GLOD4: variants seen among roughly 807,000 people sequenced by gnomAD.
GLOD4 encodes the protein glyoxalase domain containing 4.
A neutral mutation model predicts 39.1 loss-of-function variants in GLOD4; 44 were observed. The ratio of observed to expected loss-of-function variants is 1.13; its 90% CI spans 0.88 to 1.45. The LOEUF is 1.45. Ranked by LOEUF, GLOD4 falls within the 40% of genes most tolerant of loss-of-function variation. GLOD4 has a pLI of 0.00. For synonymous variants in GLOD4, 145 were observed against 135.0 expected, an observed-to-expected ratio of 1.07 and a Z score of -0.52; for missense variants, 405 against 366.4, an observed-to-expected ratio of 1.11 and a Z score of -0.86.
At position 779,466 on chromosome 17, in the gene GLOD4, C is replaced by CT. The variant is rs1597588957; in HGVS notation, c.91-723dup. ...CCAACACAGTGAAACCCCATCTCTACTAAAAATATAAAAAATACAAAATTA... is the reference window on the plus strand; with the variant it reads ...CCAACACAGTGAAACCCCATCTCTACTTAAAAATATAAAAAATACAAAATTA... On this transcript the variant is annotated intron_variant, in intron 1 of 8. Transcript: ENST00000301329. Among the ~76,000 whole-genome samples the CT allele has an allele frequency of 2.0e-5, 3 of 150,514 alleles. No homozygotes were observed. In the East Asian group the frequency reaches 5.9e-4, roughly 30 times the overall value.
chr17:767,958 C>G (rs1906991385), intron 8 of GLOD4, among the ~76,000 whole-genome samples: 1 of 141,408 alleles, frequency 7.1e-6, no homozygotes, highest in African/African-American at 2.7e-5. Context: ...AGAGAAACAG[C>G]GCGCACTCAG....
chr17:771,247 A>C (rs769498082), intron 5 of GLOD4, 78 bp downstream of exon 5: 132 of 813,660 alleles, frequency 1.6e-4, no homozygotes, highest in Middle Eastern at 1.2e-3. Context: ...TTCATTTATA[A>C]AGGTTATAAG....
At position 759,869 on chromosome 17, in the gene GLOD4, T is replaced by G; in HGVS notation, c.*304A>C. ...CTATCCGCAATCCCAACCAAAGTCA[T>G]GTTCATGCCGCTGTCCTAGTCTGGA... On this transcript the variant is annotated 3_prime_UTR_variant, in exon 9 of 9. Transcript: ENST00000301329. The G allele has an allele frequency of 3.1e-6, 1 of 322,448 alleles. No homozygotes were observed. The highest frequency in any genetic ancestry group is 6.2e-5 in the South Asian group (1 of 16,022). 20.0% of individuals were successfully genotyped at this position (322,448 alleles called of 1,614,324 possible).
intron 4 of GLOD4, among the ~76,000 whole-genome samples, chr17:773,753 C>T (rs921359311): frequency 8.5e-5 from 13 of 152,232 alleles, no homozygotes; most frequent in African/African-American, 2.7e-4. Context: ...GACGCTGTTT[C>T]TCACAAGTGC....
In GLOD4 at chr17:760,135, CA is replaced by C; in HGVS notation, c.*37del. The C allele has an allele frequency of 1.6e-6, 2 of 1,234,034 alleles. No homozygotes were observed. Among genetic ancestry groups the C allele is most frequent in the Non-Finnish European group, 2.4e-6 (2 of 833,456 alleles). 76.4% of individuals were successfully genotyped at this position (1,234,034 alleles called of 1,614,324 possible). On this transcript the variant is annotated 3_prime_UTR_variant, in exon 9 of 9. Coordinates refer to ENST00000301329, the MANE Select transcript of GLOD4 (RefSeq NM_016080.4). Reference sequence around the variant, plus strand: ...CACGTCAGGCCTCACAGGTGCTGGGCAGGAATCACAGAGGCTTGCTCTGCAT... The same window carrying C: ...CACGTCAGGCCTCACAGGTGCTGGGCGGAATCACAGAGGCTTGCTCTGCAT...
At chr17:762,571 A>C (rs1040976346) in intron 8 of GLOD4, among the ~76,000 whole-genome samples, 2 of 144,108 alleles carry the variant, frequency 1.4e-5, no homozygotes, top group African/African-American at 5.3e-5. Flanking sequence ...GCACCTACTC[A>C]GTGCGTGATC....
At chr17:785,315 G>A (rs189356168), upstream of GLOD4, among the ~76,000 whole-genome samples, 3 of 152,146 alleles carry the variant, frequency 2.0e-5, no homozygotes, top group African/African-American at 7.2e-5. Context: ...TTTTAATATT[G>A]TTATTAGCCT....
intron 1 of GLOD4, among the ~76,000 whole-genome samples, chr17:779,428 G>A (rs1479151029): frequency 6.8e-6 from 1 of 148,000 alleles, no homozygotes; most frequent in African/African-American, 2.5e-5. Context: ...TCGGGAGTTC[G>A]AGACCAGCCT....
intron 1 of GLOD4, among the ~76,000 whole-genome samples, chr17:779,945 A>C (rs1909602656): frequency 6.6e-6 from 1 of 152,080 alleles, no homozygotes; most frequent in Non-Finnish European, 1.5e-5. Flanking sequence ...TGGGTGGATC[A>C]TGAGGTCAGG....
chr17:782,410 T>C (rs773447599), upstream of GLOD4: 3 of 1,613,776 alleles, frequency 1.9e-6, no homozygotes, highest in African/African-American at 4.0e-5. Flanking sequence ...GCGAGGTTTG[T>C]CGTGCGACCG....
At position 771,316 on chromosome 17, in the gene GLOD4, A is replaced by G. The variant is rs757553882; in HGVS notation, c.543+9T>C. On this transcript the variant is annotated intron_variant, in intron 5 of 8. Transcript: ENST00000301329. ...AAGTAACAGGTTATTCTTCTCCAAGATTGCTCACCTGGTTATCAGCATAGC... is the reference window on the plus strand; with the variant it reads ...AAGTAACAGGTTATTCTTCTCCAAGGTTGCTCACCTGGTTATCAGCATAGC... The G allele has an allele frequency of 2.7e-5, 42 of 1,568,042 alleles. No individual in the cohort carries two copies. In the Middle Eastern group the frequency reaches 1.7e-3, roughly 63 times the overall value.
chr17:782,390 G>C (rs1311696387), upstream of GLOD4: 10 of 1,613,550 alleles, frequency 6.2e-6, no homozygotes, highest in Admixed American at 5.0e-5. Context: ...TGGCGGCGCT[G>C]GTGAGACCCG....
At chr17:782,550 C>T, upstream of GLOD4, 1 of 1,613,876 alleles carries the variant, frequency 6.2e-7, no homozygotes, top group Non-Finnish European at 8.5e-7. Flanking sequence ...TGGGAAGCAG[C>T]CCCGCAAGGC....
intron 8 of GLOD4, 47 bp downstream of exon 8, chr17:769,822 C>T (rs753988099): frequency 6.5e-6 from 7 of 1,080,020 alleles, no homozygotes; most frequent in Non-Finnish European, 1.0e-5. Context: ...CACTTAATGC[C>T]ATCCCTCTCA....
intron 4 of GLOD4, among the ~76,000 whole-genome samples, chr17:771,873 C>T (rs1031669373): frequency 4.6e-5 from 7 of 151,812 alleles, no homozygotes; most frequent in South Asian, 2.1e-4. Context: ...ATTAGCTGGG[C>T]GTGGTGGCGC....
upstream of GLOD4, chr17:783,457 C>G: frequency 1.1e-6 from 1 of 911,728 alleles, no homozygotes. Flanking sequence ...TTGCCTCAGC[C>G]TCCGCAGTAG....
intron 8 of GLOD4, among the ~76,000 whole-genome samples, chr17:767,515 G>A (rs1009402837): frequency 6.8e-5 from 10 of 146,788 alleles, no homozygotes; most frequent in African/African-American, 1.3e-4. Flanking sequence ...GAGAAACAGC[G>A]CGCACTCAGA....
At chr17:785,052 C>T (rs955920307), upstream of GLOD4, among the ~76,000 whole-genome samples, 39 of 152,006 alleles carry the variant, frequency 2.6e-4, no homozygotes, top group African/African-American at 8.7e-4. Flanking sequence ...CAATCATATA[C>T]GACAAAATAC....
chr17:767,672 AG>A (rs1906882209), intron 8 of GLOD4, among the ~76,000 whole-genome samples: 1 of 151,414 alleles, frequency 6.6e-6, no homozygotes, highest in Admixed American at 6.6e-5. Context: ...AGGACGTGAG[AG>A]AGAGAAACAG....
Sources: allele counts gnomAD v4.1 joint callset (sites outside exome capture counted in the v4.1 genomes callset), GRCh38; gene constraint gnomAD v4.1.1; transcripts MANE v1.5; gene names NCBI Gene and HGNC (gene_info 2026-07-23, HGNC 2026-07-21).